Variants in EXOC4 observed in about 807,000 individuals in gnomAD.
The protein encoded by EXOC4 is exocyst complex component 4.
In EXOC4, 71 loss-of-function variants were observed where a neutral mutation model predicts 107.2. That is an observed-to-expected ratio of 0.66 (90% CI 0.55 to 0.81). The LOEUF (loss-of-function observed/expected upper bound fraction) is 0.81. Ranked by LOEUF, EXOC4 falls within the 30% of genes least tolerant of loss-of-function variation. The probability of loss-of-function intolerance (pLI) is 0.00; values close to 1 mark genes in which losing one functional copy is unlikely to be tolerated. For synonymous variants in EXOC4, 456 were observed against 441.2 expected (o/e 1.03, Z -0.42); for missense variants, 1,108 against 1,189.6 (o/e 0.93, Z 1.01).
chr7:133,363,609 TA>T (rs10714895), intron 6 of EXOC4, among the ~76,000 whole-genome samples: 97,746 of 142,500 alleles, frequency 0.69, 34,090 homozygotes, highest in East Asian at 0.85. Context: ...GTGGCAAAGT[TA>T]AAAAAAAAAA....
chr7:133,581,034 A>G (rs564524457), intron 9 of EXOC4, among the ~76,000 whole-genome samples: 3 of 152,322 alleles, frequency 2.0e-5, no homozygotes, highest in Non-Finnish European at 2.9e-5. Context: ...TGCTTTGAGC[A>G]TGCATTTTCC....
chr7:134,085,703 G>A, the EXOC4 span, among the ~76,000 whole-genome samples: 243 of 152,292 alleles, frequency 1.6e-3, no homozygotes, highest in Middle Eastern at 0.01. Flanking sequence ...ACAGCTCATT[G>A]CTTGGGATCT....
chr7:133,749,754 A>G (rs908139025), intron 10 of EXOC4, among the ~76,000 whole-genome samples: 2 of 152,146 alleles, frequency 1.3e-5, no homozygotes, highest in Non-Finnish European at 2.9e-5. Flanking sequence ...CTTCAAAGGA[A>G]TAATATTGTG....
intron 9 of EXOC4, among the ~76,000 whole-genome samples, chr7:133,592,011 G>A (rs576698805): frequency 3.3e-5 from 5 of 152,250 alleles, no homozygotes; most frequent in East Asian, 3.9e-4. Context: ...AGAAAAGTAT[G>A]CCAACATGTG....
In EXOC4 at chr7:133,271,989, G is replaced by A. The variant is rs146104853; in HGVS notation, c.87-2993G>A. Among the ~76,000 whole-genome samples, 15 of 152,110 alleles carry A rather than the reference G, an allele frequency of 9.9e-5. No individual in the cohort carries two copies. In the East Asian group the frequency reaches 2.3e-3, roughly 23 times the overall value. On this transcript the variant is annotated intron_variant, in intron 1 of 17. Coordinates refer to ENST00000253861, the MANE Select transcript of EXOC4 (RefSeq NM_021807.4). Reference sequence around the variant, plus strand: ...ATTTTAACTTTTGTCTTCAGAGGGTGTACTTTTTATTATGTTATGGAAAAA... The same window carrying A: ...ATTTTAACTTTTGTCTTCAGAGGGTATACTTTTTATTATGTTATGGAAAAA...
At chr7:134,048,280 A>G (rs1272644702) in intron 17 of EXOC4, among the ~76,000 whole-genome samples, 1 of 152,234 alleles carries the variant, frequency 6.6e-6, no homozygotes, top group African/African-American at 2.4e-5. Context: ...CTCCTAAGCC[A>G]TAATTTTGAA....
intron 10 of EXOC4, among the ~76,000 whole-genome samples, chr7:133,659,987 A>G (rs1168128072): frequency 1.3e-5 from 2 of 152,106 alleles, no homozygotes; most frequent in Non-Finnish European, 2.9e-5. Context: ...ACTAGCATCC[A>G]TTTCTCTGAA....
intron 11 of EXOC4, among the ~76,000 whole-genome samples, chr7:133,826,617 G>T (rs1797709025): frequency 6.6e-6 from 1 of 151,942 alleles, no homozygotes. Context: ...ATTATTAGTG[G>T]TCCACATACC....
At chr7:133,703,345 C>G (rs1392187017) in intron 10 of EXOC4, among the ~76,000 whole-genome samples, 1 of 152,190 alleles carries the variant, frequency 6.6e-6, no homozygotes, top group Non-Finnish European at 1.5e-5. Flanking sequence ...TTTATATTCA[C>G]TCTACATTGA....
intron 11 of EXOC4, among the ~76,000 whole-genome samples, chr7:133,867,101 C>T (rs1798657050): frequency 6.6e-6 from 1 of 152,166 alleles, no homozygotes. Flanking sequence ...CCAGGCATTC[C>T]CAGGCCAAGG....
intron 9 of EXOC4, among the ~76,000 whole-genome samples, chr7:133,529,201 C>T (rs1800134872): frequency 6.6e-6 from 1 of 152,120 alleles, no homozygotes; most frequent in Admixed American, 6.5e-5. Flanking sequence ...AATCCTTTCT[C>T]CTTCTTCTTT....
chr7:133,819,939 A>G (rs1272297697), intron 11 of EXOC4, among the ~76,000 whole-genome samples: 1 of 152,198 alleles, frequency 6.6e-6, no homozygotes, highest in East Asian at 1.9e-4. Flanking sequence ...TGTGCCTGTC[A>G]GATCACTCCC....
Position 133,515,292 on chromosome 7 carries a change from C to G in EXOC4, c.1417+35154C>G, listed in dbSNP as rs1185102469. On this transcript the variant is annotated intron_variant, in intron 9 of 17. Transcript: ENST00000253861. Reference sequence around the variant, plus strand: ...GGGTTTGTAAAACCTGTATATCTTCCAACCATGGAGATTACTCCAATCAGT... The same window carrying G: ...GGGTTTGTAAAACCTGTATATCTTCGAACCATGGAGATTACTCCAATCAGT... 2.0e-5 allele frequency among the ~76,000 whole-genome samples: 3 copies of G among 151,898 alleles called. No homozygotes were observed. In the South Asian group the frequency reaches 6.2e-4, roughly 32 times the overall value.
chr7:133,542,690 AC>A (rs1259985488), intron 9 of EXOC4, among the ~76,000 whole-genome samples: 2 of 151,838 alleles, frequency 1.3e-5, no homozygotes, highest in African/African-American at 4.8e-5. Context: ...CCACTTCTGA[AC>A]CCTTCATTTT....
intron 5 of EXOC4, among the ~76,000 whole-genome samples, chr7:133,335,333 C>G (rs1268670266): frequency 6.6e-6 from 1 of 152,188 alleles, no homozygotes; most frequent in Non-Finnish European, 1.5e-5. Context: ...AAAGCTGGAA[C>G]TGTGTGCCCA....
At chr7:133,950,734 G>A (rs964574414) in intron 14 of EXOC4, among the ~76,000 whole-genome samples, 3 of 152,196 alleles carry the variant, frequency 2.0e-5, no homozygotes, top group Non-Finnish European at 4.4e-5. Flanking sequence ...AACAGAAATA[G>A]CATTGTAGTC....
chr7:133,876,242 G>GTGTA (rs2116420792), intron 11 of EXOC4, among the ~76,000 whole-genome samples: 1 of 152,072 alleles, frequency 6.6e-6, no homozygotes, highest in African/African-American at 2.4e-5. Flanking sequence ...GTGTGTGTGT[G>GTGTA]TGTGTGTGTG....
At chr7:133,926,954 G>A (rs754261605) in intron 13 of EXOC4, among the ~76,000 whole-genome samples, 6 of 152,016 alleles carry the variant, frequency 3.9e-5, no homozygotes, top group Non-Finnish European at 7.4e-5. Context: ...TTATTATTTG[G>A]CACGAGTCAT....
At chr7:133,710,072 C>T (rs950435822) in intron 10 of EXOC4, among the ~76,000 whole-genome samples, 3 of 152,062 alleles carry the variant, frequency 2.0e-5, no homozygotes, top group Non-Finnish European at 2.9e-5. Flanking sequence ...TTTTATCAGC[C>T]ATAAAATAAC....
Sources: gnomAD v4.1 joint callset for allele counts (sites outside exome capture counted in the v4.1 genomes callset) on GRCh38, gnomAD v4.1.1 for gene constraint, MANE v1.5 for transcripts, NCBI Gene and HGNC (gene_info 2026-07-23, HGNC 2026-07-21) for gene names.